Variants in PIGV observed in about 807,000 individuals in gnomAD.
PIGV encodes the protein GPI alpha-1,6-mannosyltransferase 2.
A neutral mutation model predicts 39.2 loss-of-function variants in PIGV; 27 were observed. The observed-to-expected ratio is 0.69, with a 90% CI of 0.51 to 0.95. PIGV has a LOEUF of 0.95. PIGV is among the 40% of genes least tolerant of loss of function. PIGV has a pLI of 0.00. For missense variants in PIGV, 523 were observed against 586.4 expected (o/e 0.89, Z 1.12); for synonymous variants, 232 against 241.7 (o/e 0.96, Z 0.37).
Position 26,794,690 on chromosome 1 carries a change from A to C in PIGV, c.656A>C (p.Gln219Pro), listed in dbSNP as rs201380762. ...SVGFLMHSQC[Q>P]GFFSSLTMLN... is the part of the protein sequence containing the mutation. ...GGCTTCCTCATGCATTCTCAATGCCAAGGCTTTTTCTCTTCTCTAACGATG... is the reference window on the plus strand; with the variant it reads ...GGCTTCCTCATGCATTCTCAATGCCCAGGCTTTTTCTCTTCTCTAACGATG... The change falls in exon 3 of 4, where the codon CAA becomes CCA. Residue 219 changes from glutamine (Q) to proline (P), a missense_variant. Transcript: ENST00000674202. 1 of 1,614,174 alleles carries C rather than the reference A, an allele frequency of 6.2e-7. No homozygotes were observed. The highest frequency in any genetic ancestry group is 8.5e-7 in the Non-Finnish European group (1 of 1,180,034).
chr1:26,791,049 A>G (rs1439236478), intron 2 of PIGV, among the ~76,000 whole-genome samples, 156 bp downstream of exon 2: 1 of 152,188 alleles, frequency 6.6e-6, no homozygotes, highest in Non-Finnish European at 1.5e-5. Flanking sequence ...GTTGTCAGGA[A>G]TCTTAGAAAC....
At chr1:26,788,576 C>T (rs571451277) in intron 1 of PIGV, 1 of 152,276 alleles carries the variant, frequency 6.6e-6, no homozygotes, top group Non-Finnish European at 1.5e-5. Flanking sequence ...GGGTCATAAT[C>T]CTGGCTCGGA....
chr1:26,790,973 T>C, intron 2 of PIGV, 80 bp downstream of exon 2: 1 of 1,182,190 alleles, frequency 8.5e-7, no homozygotes, highest in Non-Finnish European at 1.3e-6. Context: ...CCATCTCCTT[T>C]CCACCTCTCA....
rs1165052928 is a variant in PIGV at position 26,799,998 on chromosome 1, G to A, written c.*2154G>A. ...TTTGCCTCCTTTTGGGGGATAATCA[G>A]GACTGATTATTCCTCTACTGGAAGA... is the stretch of plus-strand genomic sequence containing the variant. On this transcript the variant is annotated 3_prime_UTR_variant, in exon 4 of 4. Transcript: ENST00000674202. 6.6e-6 allele frequency among the ~76,000 whole-genome samples: 1 copy of A among 152,096 alleles called. No individual in the cohort carries two copies. The highest frequency in any genetic ancestry group is 6.6e-5 in the Admixed American group (1 of 15,258).
chr1:26,792,141 CTAA>C, intron 2 of PIGV, among the ~76,000 whole-genome samples: 1 of 152,130 alleles, frequency 6.6e-6, no homozygotes, highest in Non-Finnish European at 1.5e-5. Flanking sequence ...AGCTGATGAT[CTAA>C]TAGGGCAAAA....
At chr1:26,797,465 C>G (rs1450149688) in intron 3 of PIGV, 98 bp from the exon 4 acceptor site, 50 of 924,934 alleles carry the variant, frequency 5.4e-5, no homozygotes, top group Non-Finnish European at 8.9e-5. Context: ...GTCACAGGAC[C>G]ATAGTTCACC....
At chr1:26,793,945 A>G (rs1282077876) in intron 2 of PIGV, among the ~76,000 whole-genome samples, 168 bp from the exon 3 acceptor site, 3 of 151,354 alleles carry the variant, frequency 2.0e-5, no homozygotes, top group African/African-American at 4.9e-5. Flanking sequence ...AGGTCTTGCT[A>G]TGTTGCCCAG....
chr1:26,797,419 T>C, intron 3 of PIGV, 144 bp from the exon 4 acceptor site: 1 of 749,214 alleles, frequency 1.3e-6, no homozygotes, highest in Admixed American at 1.8e-5. Context: ...GATCCTAAGC[T>C]GTGTTCAATT....
intron 3 of PIGV, among the ~76,000 whole-genome samples, chr1:26,795,773 A>G (rs890870474): frequency 9.9e-5 from 15 of 150,968 alleles, no homozygotes; most frequent in Admixed American, 2.0e-4. Context: ...AAATAGGAGG[A>G]CAGACATTTG....
chr1:26,795,309 T>A (rs2081367139), intron 3 of PIGV, 75 bp downstream of exon 3: 1 of 1,535,190 alleles, frequency 6.5e-7, no homozygotes, highest in African/African-American at 1.4e-5. Flanking sequence ...GGAAGGCAGC[T>A]AACATCTCCC....
At position 26,797,648 on chromosome 1, in the gene PIGV, G is replaced by A. The variant is rs747348693; in HGVS notation, c.1286G>A (p.Arg429Lys). The A allele has an allele frequency of 6.2e-7, 1 of 1,614,122 alleles. No individual in the cohort carries two copies. The highest frequency in any genetic ancestry group is 8.5e-7 in the Non-Finnish European group (1 of 1,179,982). Residue 429 changes from arginine to lysine, a missense_variant, in exon 4 of 4, where the codon AGA becomes AAA. By Grantham distance (26) the Arg-to-Lys change is conservative (BLOSUM62 2). Transcript: ENST00000674202. ...CTTCAGGATCAAGAGCCGCTGTTGA[G>A]ATCCTTAAAGACTGTGCCTTGGAAG... is the stretch of plus-strand genomic sequence containing the variant. ...HLLQDQEPLL[R>K]SLKTVPWKPL...
chr1:26,790,159 C>T (rs1281242272), intron 1 of PIGV, among the ~76,000 whole-genome samples: 1 of 152,194 alleles, frequency 6.6e-6, no homozygotes, highest in African/African-American at 2.4e-5. Flanking sequence ...AACAGACCAG[C>T]TGAACACACA....
Position 26,797,701 on chromosome 1 carries a change from C to G in PIGV, c.1339C>G (p.Gln447Glu), listed in dbSNP as rs966434689. 8 of 1,614,036 alleles carry G rather than the reference C, an allele frequency of 5.0e-6. No individual in the cohort carries two copies. The African/African-American group carries it at 8.0e-5, about 16-fold the overall frequency. ...TCTTGCAGAGGACTCCCCACCAGGA[C>G]AAAAGGTCCCCAGAAATCCTATCAT... ...KPLAEDSPPG[Q>E]KVPRNPIMGL... The change falls in exon 4 of 4, where the codon CAA becomes GAA. Residue 447 changes from glutamine to glutamate, a missense_variant. Physicochemically the swap from Gln to Glu is conservative, Grantham distance 29 (BLOSUM62 2). Transcript: ENST00000674202.
upstream of PIGV, among the ~76,000 whole-genome samples, chr1:26,787,111 T>G (rs770026017): frequency 4.9e-4 from 74 of 152,098 alleles, no homozygotes; most frequent in Non-Finnish European, 1.0e-4. Context: ...TGAAACCACA[T>G]AAGGCTTTGG....
chr1:26,790,870 C>T lies in PIGV; in HGVS notation c.55C>T (p.Arg19Cys), dbSNP rs759988046. 37 of 1,613,752 alleles carry T rather than the reference C, an allele frequency of 2.3e-5. No homozygotes were observed. The highest frequency in any genetic ancestry group is 3.0e-5 in the Non-Finnish European group (35 of 1,179,800). ...GGTGCTGAGGTTTGCAGTCAGCTGC[C>T]GTATCCTGACTCTGATGCTGCAGGT... ...KEVLRFAVSC[R>C]ILTLMLQALF... is the part of the protein sequence containing the mutation. Residue 19 changes from arginine (R) to cysteine (C), a missense_variant, in exon 2 of 4, where the codon CGT (arginine) becomes TGT (cysteine). Transcript: ENST00000674202.
chr1:26,794,328 G>GA lies in PIGV; in HGVS notation c.295dup (p.Thr99AsnfsTer2). On this transcript the variant is annotated frameshift_variant, in exon 3 of 4. Transcript: ENST00000674202. LOFTEE classifies it high-confidence loss of function. ...GTTTCCCCTTGGCCCTGCTGGTGGGGACTGAACTGTTGAGACCCTTACGGG... is the reference window on the plus strand; with the variant it reads ...GTTTCCCCTTGGCCCTGCTGGTGGGGAACTGAACTGTTGAGACCCTTACGGG... 6.2e-7 allele frequency: 1 copy of GA among 1,614,222 alleles called. No individual in the cohort carries two copies. The highest frequency in any genetic ancestry group is 8.5e-7 in the Non-Finnish European group (1 of 1,180,034).
At chr1:26,791,606 T>C (rs1023355498) in intron 2 of PIGV, among the ~76,000 whole-genome samples, 1 of 152,234 alleles carries the variant, frequency 6.6e-6, no homozygotes, top group African/African-American at 2.4e-5. Context: ...CATAATGATG[T>C]GTACCTTTTA....
Position 26,794,596 on chromosome 1 carries a change from C to A in PIGV, c.562C>A (p.Arg188=). The A allele has an allele frequency of 6.2e-7, 1 of 1,614,192 alleles. No homozygotes were observed. Among genetic ancestry groups the A allele is most frequent in the East Asian group, 2.2e-5 (1 of 44,886 alleles). Residue 188 remains arginine, a synonymous_variant, in exon 3 of 4, where the codon CGA becomes AGA. Transcript: ENST00000674202. ...TGCCATGGGGCAGCTGGAGAGGGGC[C>A]GAGTCTGGACTAGTGTACTCCTCTT... is the stretch of plus-strand genomic sequence containing the variant. The part of the protein sequence containing the change: ...FSAMGQLERG[R]VWTSVLLFAF...
At chr1:26,787,787 A>C (rs1193642082), upstream of PIGV, 1 of 152,230 alleles carries the variant, frequency 6.6e-6, no homozygotes, top group Admixed American at 6.5e-5. Context: ...GTGCGAGAGA[A>C]CTCTTCAGGT....
Sources: gnomAD v4.1 joint callset for allele counts (sites outside exome capture counted in the v4.1 genomes callset) on GRCh38, gnomAD v4.1.1 for gene constraint, MANE v1.5 for transcripts, NCBI Gene and HGNC (gene_info 2026-07-23, HGNC 2026-07-21) for gene names.